The following GALNT13 variants were observed in gnomAD, a reference collection of about 807,000 sequenced individuals.
GALNT13 encodes UDP-GalNAc:polypeptide N-acetylgalactosaminyltransferase 13.
A neutral mutation model predicts 64.2 loss-of-function variants in GALNT13; 28 were observed. The ratio of observed to expected loss-of-function variants is 0.44; its 90% CI spans 0.32 to 0.60. The LOEUF (loss-of-function observed/expected upper bound fraction) is 0.60. Among genes scored for constraint, GALNT13 ranks in the 20% least tolerant of loss-of-function variants. The pLI is 0.05. For synonymous variants in GALNT13, 214 were observed against 224.6 expected (o/e 0.95, Z 0.42); for missense variants, 577 against 669.8 (o/e 0.86, Z 1.53).
the GALNT13 span, among the ~76,000 whole-genome samples, chr2:153,308,385 A>G: frequency 1.3e-5 from 2 of 152,206 alleles, no homozygotes; most frequent in East Asian, 3.9e-4. Context: ...TGATTCTTCT[A>G]TCTCTTCCTT....
chr2:154,057,937 C>T (rs964230082), intron 3 of GALNT13, among the ~76,000 whole-genome samples: 37 of 152,218 alleles, frequency 2.4e-4, no homozygotes, highest in African/African-American at 8.9e-4. Flanking sequence ...TCCGTTTATT[C>T]AACTAATATT....
chr2:154,107,339 G>C (rs887106223), intron 3 of GALNT13, among the ~76,000 whole-genome samples: 5 of 152,014 alleles, frequency 3.3e-5, no homozygotes, highest in Admixed American at 6.6e-5. Context: ...TCATGCCTGT[G>C]ATCCCAGCAC....
chr2:153,365,321 A>T, the GALNT13 span, among the ~76,000 whole-genome samples: 1 of 152,220 alleles, frequency 6.6e-6, no homozygotes, highest in East Asian at 1.9e-4. Flanking sequence ...CACTCGGGAC[A>T]TAGGCATGGG....
At chr2:153,903,129 C>T (rs1688339870) in intron 2 of GALNT13, among the ~76,000 whole-genome samples, 1 of 151,750 alleles carries the variant, frequency 6.6e-6, no homozygotes. Context: ...ACTTGTTGGG[C>T]AATAGCAACA....
intron 2 of GALNT13, among the ~76,000 whole-genome samples, chr2:153,937,448 A>G (rs1691021368): frequency 2.0e-5 from 3 of 152,212 alleles, no homozygotes; most frequent in African/African-American, 7.2e-5. Flanking sequence ...ATAGCCAATA[A>G]ATCAGATTAG....
the GALNT13 span, among the ~76,000 whole-genome samples, chr2:153,858,812 A>C: frequency 2.6e-5 from 4 of 151,986 alleles, no homozygotes. Flanking sequence ...GGCTCACTGC[A>C]ACCTCCGCCT....
At chr2:154,281,127 T>C (rs1237325391) in intron 8 of GALNT13, among the ~76,000 whole-genome samples, 1 of 152,206 alleles carries the variant, frequency 6.6e-6, no homozygotes, top group African/African-American at 2.4e-5. Flanking sequence ...ATTATTTTTG[T>C]TTCCTTTCTT....
At chr2:153,489,921 C>G in the GALNT13 span, among the ~76,000 whole-genome samples, 5 of 151,606 alleles carry the variant, frequency 3.3e-5, no homozygotes, top group South Asian at 8.3e-4. Context: ...GAGTTTGAAG[C>G]TACAGTGAGA....
intron 3 of GALNT13, among the ~76,000 whole-genome samples, chr2:154,052,039 A>G (rs931222496): frequency 6.6e-6 from 1 of 152,108 alleles, no homozygotes; most frequent in Non-Finnish European, 1.5e-5. Context: ...TCCTCTGCTC[A>G]TGTAAACATT....
At chr2:153,244,340 A>C in the GALNT13 span, among the ~76,000 whole-genome samples, 2 of 80,138 alleles carry the variant, frequency 2.5e-5, no homozygotes, top group Non-Finnish European at 7.9e-5. Context: ...TCAAATTATA[A>C]ATTGTGTTTC....
intron 3 of GALNT13, among the ~76,000 whole-genome samples, chr2:154,014,791 C>G (rs1696895321): frequency 6.6e-6 from 1 of 151,678 alleles, no homozygotes; most frequent in Non-Finnish European, 1.5e-5. Flanking sequence ...CACCACCACT[C>G]CCAGCTAATT....
the GALNT13 span, among the ~76,000 whole-genome samples, chr2:153,083,905 G>T: frequency 6.6e-6 from 1 of 152,094 alleles, no homozygotes; most frequent in Non-Finnish European, 1.5e-5. Context: ...TCTTGAGTTG[G>T]TTTTTGCATA....
At chr2:154,352,811 C>T (rs1014549642) in intron 9 of GALNT13, among the ~76,000 whole-genome samples, 2 of 152,192 alleles carry the variant, frequency 1.3e-5, no homozygotes, top group East Asian at 3.8e-4. Context: ...TCAGCTCTGT[C>T]TACTGAAATT....
chr2:153,082,614 TATATACACACACACACACACAC>T, the GALNT13 span, among the ~76,000 whole-genome samples: 7 of 31,310 alleles, frequency 2.2e-4, no homozygotes, highest in Non-Finnish European at 4.2e-4. Flanking sequence ...TATATATATA[TATATACACACACACACACACAC>T]ACACACACAC....
the GALNT13 span, among the ~76,000 whole-genome samples, chr2:153,635,454 G>GTATATATATATATATACACA: frequency 6.9e-6 from 1 of 145,546 alleles, no homozygotes; most frequent in Non-Finnish European, 1.5e-5. Context: ...ACATATATAT[G>GTATATATATATATATACACA]TATATGTGTA....
chr2:153,268,228 G>A, the GALNT13 span, among the ~76,000 whole-genome samples: 3 of 152,162 alleles, frequency 2.0e-5, no homozygotes, highest in Non-Finnish European at 4.4e-5. Flanking sequence ...GTGGGGGGTG[G>A]CACAGGCATT....
the GALNT13 span, among the ~76,000 whole-genome samples, chr2:153,767,682 T>C: frequency 6.6e-6 from 1 of 152,322 alleles, no homozygotes; most frequent in South Asian, 2.1e-4. Context: ...GGACTTAATT[T>C]GCATTTATCT....
chr2:154,256,486 A>G (rs1377515922), intron 7 of GALNT13, among the ~76,000 whole-genome samples: 5 of 152,206 alleles, frequency 3.3e-5, no homozygotes, highest in Non-Finnish European at 7.3e-5. Flanking sequence ...GTTAAAGAGT[A>G]AGAAGTTATG....
the GALNT13 span, among the ~76,000 whole-genome samples, chr2:153,542,315 C>T: frequency 6.8e-6 from 1 of 147,882 alleles, no homozygotes; most frequent in South Asian, 2.2e-4. Context: ...AGCAAAACTC[C>T]ATCTCAAAAA....
Sources: allele counts gnomAD v4.1 joint callset (sites outside exome capture counted in the v4.1 genomes callset), GRCh38; gene constraint gnomAD v4.1.1; transcripts MANE v1.5; gene names NCBI Gene and HGNC (gene_info 2026-07-23, HGNC 2026-07-21).